Variants in AKAP10 observed in about 807,000 individuals in gnomAD.
The protein encoded by AKAP10 is A-kinase anchoring protein 10, also known as A-kinase anchor protein 10, mitochondrial.
AKAP10 carries 24 observed loss-of-function variants against 80.8 expected under a neutral mutation model. The ratio of observed to expected loss-of-function variants is 0.30; its 90% CI spans 0.22 to 0.42. The LOEUF (loss-of-function observed/expected upper bound fraction) is 0.42. Among genes scored for constraint, AKAP10 ranks in the 10% least tolerant of loss-of-function variants. The pLI is 1.00. For missense variants in AKAP10, 661 were observed against 794.9 expected, an observed-to-expected ratio of 0.83 and a Z score of 2.03; for synonymous variants, 291 against 277.7, an observed-to-expected ratio of 1.05 and a Z score of -0.48.
Position 19,977,672 on chromosome 17 carries a change from C to T in AKAP10, c.8G>A (p.Gly3Glu). Reference protein sequence around the residue: MRGAGPSPRQSPR... With the variant: MREAGPSPRQSPR... ...GGACTGGCGCGGGGAGGGCCCGGCT[C>T]CCCTCATTCAGCAACCGGCCCGGAC... Residue 3 changes from glycine (G) to glutamate (E), a missense_variant, in exon 1 of 15, where the codon GGA becomes GAA. By Grantham distance (98) the Gly-to-Glu change is moderately conservative. Transcript: ENST00000225737. 8.1e-7 allele frequency: 1 copy of T among 1,235,376 alleles called. No individual in the cohort carries two copies. The highest frequency in any genetic ancestry group is 1.0e-6 in the Non-Finnish European group (1 of 987,580). 76.5% of individuals were successfully genotyped at this position (1,235,376 alleles called of 1,614,324 possible). A position where few individuals can be genotyped will look rare whatever the true frequency, so the allele number is the denominator to read the frequency against.
At chr17:19,927,323 G>C (rs190952023) in intron 10 of AKAP10, among the ~76,000 whole-genome samples, 1 of 151,154 alleles carries the variant, frequency 6.6e-6, no homozygotes, top group Non-Finnish European at 1.5e-5. Context: ...AGCAGAATGA[G>C]ACCTTATCTT....
rs1285081611 is a variant in AKAP10 at position 19,924,422 on chromosome 17, T to C, written c.1737A>G (p.Gln579=). Residue 579 remains glutamine, a synonymous_variant, in exon 11 of 15, where the codon CAA becomes CAG. Coordinates refer to ENST00000225737, the MANE Select transcript of AKAP10 (RefSeq NM_007202.4). ...GCTAAGCTTACCCGGCATATGTCCG[T>C]TGATATAAAGATTCTGGATCCAGAC... is the stretch of plus-strand genomic sequence containing the variant. The part of the protein sequence containing the change: ...AASLDPESLY[Q]RTYAGKMTFG... 8.1e-6 allele frequency: 13 copies of C among 1,599,706 alleles called. No individual in the cohort carries two copies. Among genetic ancestry groups the C allele is most frequent in the Non-Finnish European group, 1.1e-5 (13 of 1,172,000 alleles).
Position 19,905,213 on chromosome 17 carries a change from AGT to A in AKAP10, c.*1012_*1013del, listed in dbSNP as rs1161222924. 1 of 152,072 alleles carries A rather than the reference AGT, an allele frequency of 6.6e-6. No individual in the cohort carries two copies. Among genetic ancestry groups the A allele is most frequent in the Non-Finnish European group, 1.5e-5 (1 of 68,018 alleles). 9.4% of individuals were successfully genotyped at this position (152,072 alleles called of 1,614,324 possible). On this transcript the variant is annotated 3_prime_UTR_variant, in exon 15 of 15. Transcript: ENST00000225737. The stretch of plus-strand genomic sequence containing the variant: ...AAGCCAACTGAGCAGAAGTGCAGTG[AGT>A]GAGTCTCTTACTATCCTAAAGAAAG...
chr17:19,907,834 C>A (rs1217122657), intron 14 of AKAP10, among the ~76,000 whole-genome samples: 2 of 151,972 alleles, frequency 1.3e-5, no homozygotes, highest in Non-Finnish European at 2.9e-5. Flanking sequence ...AACTTCATGT[C>A]ATGCTTGGTA....
chr17:19,929,787 A>C (rs2042912787), intron 10 of AKAP10: 1 of 151,468 alleles, frequency 6.6e-6, no homozygotes, highest in Admixed American at 6.6e-5. Flanking sequence ...TACCAGCCTG[A>C]CCAACATGGT....
At chr17:19,947,192 C>T (rs2043144220) in intron 5 of AKAP10, 4 of 520,434 alleles carry the variant, frequency 7.7e-6, no homozygotes, top group Non-Finnish European at 1.0e-5. Flanking sequence ...TACACTGCAG[C>T]CCATCTGGCC....
intron 1 of AKAP10, among the ~76,000 whole-genome samples, chr17:19,976,154 A>G (rs2043563167): frequency 1.3e-5 from 2 of 152,338 alleles, no homozygotes; most frequent in Middle Eastern, 3.4e-3. Context: ...CAGAGCTGTC[A>G]TATGAAACCA....
chr17:19,939,516 A>T (rs2043029630), intron 8 of AKAP10, among the ~76,000 whole-genome samples, 197 bp downstream of exon 8: 1 of 152,086 alleles, frequency 6.6e-6, no homozygotes, highest in Non-Finnish European at 1.5e-5. Flanking sequence ...TTTACCCCAC[A>T]TACACCTCCC....
intron 10 of AKAP10, among the ~76,000 whole-genome samples, chr17:19,931,563 G>C (rs2042933384): frequency 6.6e-6 from 1 of 151,806 alleles, no homozygotes; most frequent in Non-Finnish European, 1.5e-5. Flanking sequence ...GCTAATTTTT[G>C]TATTTTTAGT....
chr17:19,966,703 C>T (rs1198322100), intron 2 of AKAP10, among the ~76,000 whole-genome samples: 1 of 152,148 alleles, frequency 6.6e-6, no homozygotes, highest in Non-Finnish European at 1.5e-5. Context: ...AGGCCAATCC[C>T]CCCATTCAAC....
At chr17:19,924,947 TGAGGCCAAGAGTTC>T (rs1358869465) in intron 10 of AKAP10, among the ~76,000 whole-genome samples, 2 of 152,040 alleles carry the variant, frequency 1.3e-5, no homozygotes, top group Admixed American at 1.3e-4. Context: ...GCCGATCACT[TGAGGCCAAGAGTTC>T]GAGGCCAGCA....
At chr17:19,911,867 A>AAAAAAAAAC (rs2042694318) in intron 12 of AKAP10, among the ~76,000 whole-genome samples, 1 of 135,988 alleles carries the variant, frequency 7.4e-6, no homozygotes, top group Admixed American at 7.7e-5. Flanking sequence ...AAAAAAAAAA[A>AAAAAAAAAC]AAGAAATCTC....
intron 12 of AKAP10, among the ~76,000 whole-genome samples, chr17:19,911,238 G>T (rs1167083246): frequency 1.3e-5 from 2 of 152,072 alleles, no homozygotes; most frequent in Non-Finnish European, 2.9e-5. Flanking sequence ...TCTCTCGTCA[G>T]GCCCCCCTGC....
At chr17:19,919,456 G>C (rs1461942628) in intron 12 of AKAP10, among the ~76,000 whole-genome samples, 4 of 152,170 alleles carry the variant, frequency 2.6e-5, no homozygotes, top group African/African-American at 9.7e-5. Flanking sequence ...AGCCAAGGCG[G>C]ATGGATTGCT....
At chr17:19,976,865 C>T (rs1340776391) in intron 1 of AKAP10, among the ~76,000 whole-genome samples, 1 of 152,202 alleles carries the variant, frequency 6.6e-6, no homozygotes, top group African/African-American at 2.4e-5. Context: ...CAGGAAAAAT[C>T]ACTGCTGTCC....
intron 9 of AKAP10, among the ~76,000 whole-genome samples, chr17:19,933,168 G>A (rs1415228622): frequency 1.3e-5 from 2 of 151,922 alleles, no homozygotes; most frequent in Non-Finnish European, 2.9e-5. Context: ...ACAGGTGTCC[G>A]CCACCACACC....
intron 5 of AKAP10, among the ~76,000 whole-genome samples, chr17:19,946,738 T>C (rs765864751): frequency 1.3e-5 from 2 of 150,108 alleles, no homozygotes; most frequent in African/African-American, 2.5e-5. Context: ...GGACTGGACA[T>C]GAGGCTGCCC....
chr17:19,946,105 G>GTATA (rs56812794), intron 5 of AKAP10, among the ~76,000 whole-genome samples: 1 of 128,822 alleles, frequency 7.8e-6, no homozygotes, highest in South Asian at 2.3e-4. Context: ...TTTTATTCTA[G>GTATA]TATATATATA....
chr17:19,957,309 A>G (rs921347201), intron 4 of AKAP10, among the ~76,000 whole-genome samples: 10 of 152,212 alleles, frequency 6.6e-5, no homozygotes, highest in African/African-American at 2.4e-4. Context: ...TGGGAGGCCG[A>G]GGCAGGCGGA....
Sources: gnomAD v4.1 joint callset for allele counts (sites outside exome capture counted in the v4.1 genomes callset) on GRCh38, gnomAD v4.1.1 for gene constraint, MANE v1.5 for transcripts, NCBI Gene and HGNC (gene_info 2026-07-23, HGNC 2026-07-21) for gene names.